TAS2R1: variants seen among roughly 807,000 people sequenced by gnomAD.
TAS2R1 encodes the protein taste receptor type 2 member 1.
For missense variants in TAS2R1, 370 were observed against 353.4 expected (o/e 1.05, Z -0.38); for synonymous variants, 141 against 134.2 (o/e 1.05, Z -0.35).
the TAS2R1 span, among the ~76,000 whole-genome samples, chr5:9,878,290 C>G: frequency 6.6e-6 from 1 of 152,050 alleles, no homozygotes; most frequent in Non-Finnish European, 1.5e-5. Context: ...AGTGGAGTAC[C>G]GTATTTCCTT....
chr5:9,880,326 A>C, the TAS2R1 span, among the ~76,000 whole-genome samples: 1 of 152,178 alleles, frequency 6.6e-6, no homozygotes, highest in South Asian at 2.1e-4. Context: ...ATTTTGGCTC[A>C]GTTTGGATGA....
chr5:9,651,612 C>T (rs191889289), intron 2 of TAS2R1, among the ~76,000 whole-genome samples: 14 of 152,140 alleles, frequency 9.2e-5, no homozygotes, highest in Admixed American at 2.6e-4. Context: ...TAAAAGAGTA[C>T]GACTCAAATT....
At chr5:9,898,839 C>A in the TAS2R1 span, among the ~76,000 whole-genome samples, 18 of 152,184 alleles carry the variant, frequency 1.2e-4, no homozygotes, top group Non-Finnish European at 1.8e-4. Context: ...AACCAACCCA[C>A]AATATTCCAA....
the TAS2R1 span, among the ~76,000 whole-genome samples, chr5:9,761,758 T>TA: frequency 6.6e-6 from 1 of 152,218 alleles, no homozygotes; most frequent in African/African-American, 2.4e-5. Flanking sequence ...ATGACTCTGT[T>TA]ACTGCACAGC....
At chr5:9,899,247 T>C in the TAS2R1 span, among the ~76,000 whole-genome samples, 1 of 152,164 alleles carries the variant, frequency 6.6e-6, no homozygotes, top group Non-Finnish European at 1.5e-5. Context: ...CTGTCTTCAT[T>C]TCTCCATTCC....
the TAS2R1 span, among the ~76,000 whole-genome samples, chr5:9,790,080 T>C: frequency 6.6e-6 from 1 of 152,182 alleles, no homozygotes; most frequent in Non-Finnish European, 1.5e-5. Flanking sequence ...GGATGTGAAG[T>C]ATGCTCCTCT....
At chr5:9,852,035 G>A in the TAS2R1 span, among the ~76,000 whole-genome samples, 241 of 152,284 alleles carry the variant, frequency 1.6e-3, no homozygotes, top group African/African-American at 5.3e-3. Context: ...AATACCTCCT[G>A]TAGAAGGGCT....
the TAS2R1 span, among the ~76,000 whole-genome samples, chr5:9,873,958 A>AAGAGAG: frequency 6.8e-6 from 1 of 146,562 alleles, no homozygotes; most frequent in African/African-American, 2.5e-5. Context: ...ACAGAAAGAA[A>AAGAGAG]AGAGAGAGAG....
At chr5:9,766,820 G>A in the TAS2R1 span, among the ~76,000 whole-genome samples, 2 of 152,202 alleles carry the variant, frequency 1.3e-5, no homozygotes, top group East Asian at 3.9e-4. Flanking sequence ...AGCATACAGA[G>A]AGGGAGGGAG....
the TAS2R1 span, among the ~76,000 whole-genome samples, chr5:9,832,607 C>T: frequency 3.3e-5 from 5 of 152,156 alleles, no homozygotes; most frequent in Non-Finnish European, 5.9e-5. Flanking sequence ...CAAAGGTGTC[C>T]CTTCTAGGAC....
At chr5:9,678,901 C>T (rs1740937840) in intron 1 of TAS2R1, among the ~76,000 whole-genome samples, 3 of 152,094 alleles carry the variant, frequency 2.0e-5, no homozygotes, top group Admixed American at 2.0e-4. Flanking sequence ...ATGTAACAAA[C>T]TTGTATATCC....
At chr5:9,724,702 T>C in the TAS2R1 span, among the ~76,000 whole-genome samples, 1 of 152,178 alleles carries the variant, frequency 6.6e-6, no homozygotes, top group Non-Finnish European at 1.5e-5. Flanking sequence ...TCAACAAATA[T>C]GAGTTTTCCT....
At chr5:9,830,033 A>C in the TAS2R1 span, among the ~76,000 whole-genome samples, 1 of 152,196 alleles carries the variant, frequency 6.6e-6, no homozygotes, top group Non-Finnish European at 1.5e-5. Flanking sequence ...CAAGGATAAG[A>C]TAAAGCTGCT....
chr5:9,700,798 G>A (rs940804728), intron 1 of TAS2R1, among the ~76,000 whole-genome samples: 2 of 152,034 alleles, frequency 1.3e-5, no homozygotes, highest in African/African-American at 4.8e-5. Context: ...TTCTTTCTGT[G>A]CATGTCTCTG....
chr5:9,820,969 A>C, the TAS2R1 span, among the ~76,000 whole-genome samples: 2 of 152,226 alleles, frequency 1.3e-5, no homozygotes, highest in Admixed American at 1.3e-4. Flanking sequence ...CCCGGGAAAG[A>C]GCTTGGCAGG....
At chr5:9,805,093 T>C in the TAS2R1 span, among the ~76,000 whole-genome samples, 1 of 151,764 alleles carries the variant, frequency 6.6e-6, no homozygotes, top group Admixed American at 6.6e-5. Flanking sequence ...ATCCAAAAGA[T>C]TATACAAGGC....
At chr5:9,852,601 G>A in the TAS2R1 span, among the ~76,000 whole-genome samples, 13 of 152,312 alleles carry the variant, frequency 8.5e-5, no homozygotes, top group Admixed American at 6.5e-5. Flanking sequence ...GTTAACCTGT[G>A]CACACGTGTT....
chr5:9,703,277 T>C (rs1041169583), intron 1 of TAS2R1, among the ~76,000 whole-genome samples: 2 of 152,070 alleles, frequency 1.3e-5, no homozygotes, highest in Admixed American at 1.3e-4. Flanking sequence ...TATGATACTG[T>C]TAGGTGGGGC....
At chr5:9,879,944 T>C in the TAS2R1 span, among the ~76,000 whole-genome samples, 3 of 152,218 alleles carry the variant, frequency 2.0e-5, no homozygotes, top group East Asian at 1.9e-4. Context: ...GCTATCCTTA[T>C]GTTTCTGTGA....
Sources: gnomAD v4.1 joint callset for allele counts (sites outside exome capture counted in the v4.1 genomes callset) on GRCh38, gnomAD v4.1.1 for gene constraint, MANE v1.5 for transcripts, NCBI Gene and HGNC (gene_info 2026-07-23, HGNC 2026-07-21) for gene names.